CNTNAP5: variants seen among roughly 807,000 people sequenced by gnomAD.
CNTNAP5 encodes contactin associated protein family member 5.
A neutral mutation model predicts 150.2 loss-of-function variants in CNTNAP5; 72 were observed. The observed-to-expected ratio is 0.48, with a 90% CI of 0.40 to 0.58. CNTNAP5 has a LOEUF of 0.58. Ranked by LOEUF, CNTNAP5 falls within the 20% of genes least tolerant of loss-of-function variation. CNTNAP5 has a pLI of 0.00. For synonymous variants in CNTNAP5, 672 were observed against 619.8 expected, an observed-to-expected ratio of 1.08 and a Z score of -1.25; for missense variants, 1,636 against 1,626.2, an observed-to-expected ratio of 1.01 and a Z score of -0.10.
chr2:124,257,015 A>G (rs1687330532), intron 3 of CNTNAP5, among the ~76,000 whole-genome samples: 1 of 152,164 alleles, frequency 6.6e-6, no homozygotes. Context: ...TCATTTAAAG[A>G]AAAAGGCAGA....
intron 1 of CNTNAP5, among the ~76,000 whole-genome samples, chr2:124,122,587 C>A (rs147396973): frequency 6.6e-6 from 1 of 152,236 alleles, no homozygotes; most frequent in South Asian, 2.1e-4. Flanking sequence ...CCACACTTTA[C>A]AATTTCTAGA....
At chr2:124,147,224 C>G (rs1684275829) in intron 1 of CNTNAP5, among the ~76,000 whole-genome samples, 1 of 152,096 alleles carries the variant, frequency 6.6e-6, no homozygotes, top group South Asian at 2.1e-4. Flanking sequence ...AACATAACTT[C>G]TTCTTTAATA....
intron 3 of CNTNAP5, among the ~76,000 whole-genome samples, chr2:124,396,655 G>T (rs1033707756): frequency 6.6e-6 from 1 of 152,018 alleles, no homozygotes; most frequent in African/African-American, 2.4e-5. Flanking sequence ...CTTTTCTAAT[G>T]AATAGTTGGA....
chr2:124,599,098 C>A (rs571315392), intron 11 of CNTNAP5, among the ~76,000 whole-genome samples: 2 of 152,208 alleles, frequency 1.3e-5, no homozygotes, highest in East Asian at 1.9e-4. Flanking sequence ...AGAAATCACC[C>A]GTCTTCTGCG....
chr2:124,887,493 T>G (rs1199102393), intron 21 of CNTNAP5, among the ~76,000 whole-genome samples: 1 of 152,086 alleles, frequency 6.6e-6, no homozygotes, highest in Non-Finnish European at 1.5e-5. Flanking sequence ...TTTTCTTATC[T>G]GAAAACCAGG....
intron 16 of CNTNAP5, among the ~76,000 whole-genome samples, chr2:124,767,001 A>G (rs1013610586): frequency 1.3e-5 from 2 of 152,208 alleles, no homozygotes; most frequent in African/African-American, 4.8e-5. Context: ...AATATTTAAA[A>G]GGGGAAAAGA....
At chr2:124,100,970 C>T (rs536602277) in intron 1 of CNTNAP5, among the ~76,000 whole-genome samples, 1 of 151,566 alleles carries the variant, frequency 6.6e-6, no homozygotes, top group Non-Finnish European at 1.5e-5. Flanking sequence ...ATTCCTGAAT[C>T]GATGCACTTG....
intron 12 of CNTNAP5, among the ~76,000 whole-genome samples, chr2:124,638,703 A>G (rs764271228): frequency 4.3e-4 from 65 of 152,074 alleles, no homozygotes; most frequent in Admixed American, 7.9e-4. Context: ...TTAGATAACT[A>G]TTTATATCAG....
At chr2:124,434,213 C>T (rs1558900409) in intron 4 of CNTNAP5, among the ~76,000 whole-genome samples, 1 of 152,182 alleles carries the variant, frequency 6.6e-6, no homozygotes, top group Non-Finnish European at 1.5e-5. Context: ...CCTGTCCCCT[C>T]CAGCAAAAGC....
chr2:124,417,360 G>A (rs868489901), intron 3 of CNTNAP5, 83 bp from the exon 4 acceptor site: 9 of 1,420,422 alleles, frequency 6.3e-6, no homozygotes, highest in East Asian at 2.3e-5. Context: ...TTCTCAGTAC[G>A]AGTTCGTGGA....
At chr2:124,610,453 G>T (rs1015706007) in intron 12 of CNTNAP5, among the ~76,000 whole-genome samples, 3 of 152,146 alleles carry the variant, frequency 2.0e-5, no homozygotes, top group Non-Finnish European at 4.4e-5. Context: ...CAGGCTGGTT[G>T]TTCTTAGATG....
intron 10 of CNTNAP5, among the ~76,000 whole-genome samples, chr2:124,542,460 T>TGGGAGTGTGATGGGATTCC (rs1476573810): frequency 2.0e-5 from 3 of 151,578 alleles, no homozygotes; most frequent in Non-Finnish European, 4.4e-5. Flanking sequence ...GTAAGGAAAA[T>TGGGAGTGTGATGGGATTCC]GGGAGTGTGA....
chr2:124,159,558 C>T (rs1469337961), intron 1 of CNTNAP5, among the ~76,000 whole-genome samples: 3 of 152,174 alleles, frequency 2.0e-5, no homozygotes, highest in African/African-American at 7.2e-5. Context: ...TGTCACTAAC[C>T]AACTGTGTGA....
intron 3 of CNTNAP5, among the ~76,000 whole-genome samples, chr2:124,269,835 C>T (rs1181159964): frequency 6.6e-6 from 1 of 152,102 alleles, no homozygotes; most frequent in African/African-American, 2.4e-5. Flanking sequence ...TAGGTCAAAA[C>T]ATCCAGTCAA....
At chr2:124,665,902 A>G (rs1678691511) in intron 13 of CNTNAP5, among the ~76,000 whole-genome samples, 1 of 148,064 alleles carries the variant, frequency 6.8e-6, no homozygotes, top group African/African-American at 2.5e-5. Context: ...AAAAAAAATT[A>G]TACATATTTA....
intron 9 of CNTNAP5, 45 bp from the exon 10 acceptor site, chr2:124,527,240 G>A (rs749405963): frequency 1.5e-5 from 24 of 1,565,570 alleles, no homozygotes; most frequent in East Asian, 1.4e-4. Context: ...AAGCAATGAC[G>A]GATCATTTCA....
intron 3 of CNTNAP5, among the ~76,000 whole-genome samples, chr2:124,340,015 A>G (rs1689571545): frequency 6.6e-6 from 1 of 152,192 alleles, no homozygotes; most frequent in Non-Finnish European, 1.5e-5. Flanking sequence ...CACAAATCTT[A>G]TGACCTCTGT....
At chr2:124,569,715 C>T (rs1696109552) in intron 11 of CNTNAP5, among the ~76,000 whole-genome samples, 1 of 152,190 alleles carries the variant, frequency 6.6e-6, no homozygotes, top group African/African-American at 2.4e-5. Context: ...TGCCCTTTAG[C>T]TCATTTTTCA....
At chr2:124,742,404 A>G (rs1163230053) in intron 13 of CNTNAP5, among the ~76,000 whole-genome samples, 1 of 151,568 alleles carries the variant, frequency 6.6e-6, no homozygotes, top group African/African-American at 2.4e-5. Flanking sequence ...GTCTGCAACA[A>G]AGCAAAACAC....
Sources: gnomAD v4.1 joint callset for allele counts (sites outside exome capture counted in the v4.1 genomes callset) on GRCh38, gnomAD v4.1.1 for gene constraint, MANE v1.5 for transcripts, NCBI Gene and HGNC (gene_info 2026-07-23, HGNC 2026-07-21) for gene names.